The following PLCL2 variants were observed in gnomAD, a reference collection of about 807,000 sequenced individuals.
The protein encoded by PLCL2 is phospholipase C like 2.
A neutral mutation model predicts 79.6 loss-of-function variants in PLCL2; 4 were observed. That is an observed-to-expected ratio of 0.05 (90% CI 0.02 to 0.11). The LOEUF (loss-of-function observed/expected upper bound fraction) is 0.11. PLCL2 is among the 10% of genes least tolerant of loss of function. The probability of loss-of-function intolerance (pLI) is 1.00; values close to 1 mark genes in which losing one functional copy is unlikely to be tolerated. For synonymous variants in PLCL2, 484 were observed against 457.7 expected (o/e 1.06, Z -0.73); for missense variants, 895 against 1,291.0 (o/e 0.69, Z 4.70).
At chr3:17,088,819 A>C (rs1222939136) in intron 5 of PLCL2, among the ~76,000 whole-genome samples, 3 of 152,202 alleles carry the variant, frequency 2.0e-5, no homozygotes, top group African/African-American at 7.2e-5. Flanking sequence ...TCATTGGCCC[A>C]TTGTCAGCAC....
intron 3 of PLCL2, among the ~76,000 whole-genome samples, chr3:17,039,458 A>C (rs1282831652): frequency 6.6e-6 from 1 of 152,256 alleles, no homozygotes; most frequent in South Asian, 2.1e-4. Flanking sequence ...TTTATGCAAT[A>C]GTGCAAAAGT....
chr3:16,952,484 G>C (rs2063664196), intron 1 of PLCL2, among the ~76,000 whole-genome samples: 1 of 148,446 alleles, frequency 6.7e-6, no homozygotes, highest in South Asian at 2.1e-4. Flanking sequence ...ATTTGTAATA[G>C]TGAAAAATCA....
intron 1 of PLCL2, among the ~76,000 whole-genome samples, chr3:16,966,388 A>C (rs2063806872): frequency 6.6e-6 from 1 of 152,110 alleles, no homozygotes; most frequent in Non-Finnish European, 1.5e-5. Context: ...ATGGTGGATA[A>C]GCTTTTTAAT....
intron 1 of PLCL2, among the ~76,000 whole-genome samples, chr3:16,917,183 C>T (rs1697017340): frequency 6.6e-6 from 1 of 152,152 alleles, no homozygotes; most frequent in African/African-American, 2.4e-5. Context: ...TATTCCTCTT[C>T]CTTTCAATTA....
At chr3:17,070,816 C>T (rs1194279810) in intron 5 of PLCL2, among the ~76,000 whole-genome samples, 1 of 152,042 alleles carries the variant, frequency 6.6e-6, no homozygotes, top group Non-Finnish European at 1.5e-5. Context: ...AAACACACAG[C>T]AGGAGGCTCC....
At chr3:16,995,843 A>G (rs998242266) in intron 1 of PLCL2, among the ~76,000 whole-genome samples, 1 of 151,968 alleles carries the variant, frequency 6.6e-6, no homozygotes, top group Non-Finnish European at 1.5e-5. Flanking sequence ...AAAAGTGTAT[A>G]CTCTGGTTGG....
intron 4 of PLCL2, among the ~76,000 whole-genome samples, chr3:17,065,617 T>A (rs769046193): frequency 1.3e-5 from 2 of 152,230 alleles, no homozygotes; most frequent in Non-Finnish European, 2.9e-5. Flanking sequence ...GAGGCTTCCA[T>A]GCGGATACCT....
chr3:17,002,249 T>G (rs1013789605), intron 1 of PLCL2, among the ~76,000 whole-genome samples: 2 of 152,170 alleles, frequency 1.3e-5, no homozygotes, highest in African/African-American at 4.8e-5. Context: ...TTATCAGTTC[T>G]AAGAGTTTGT....
In PLCL2 at chr3:17,010,574, A is replaced by C; in HGVS notation, c.1228A>C (p.Met410Leu). The C allele has an allele frequency of 1.9e-6, 3 of 1,614,148 alleles. No homozygotes were observed. Among genetic ancestry groups the C allele is most frequent in the Non-Finnish European group, 2.5e-6 (3 of 1,180,018 alleles). Reference sequence around the variant, plus strand: ...CATAGACGGGTTCACTAATTACCTTATGTCACCTGACTGTTATATATTCGA... The same window carrying C: ...CATAGACGGGTTCACTAATTACCTTCTGTCACCTGACTGTTATATATTCGA... ...LSIDGFTNYL[M>L]SPDCYIFDPE... The change falls in exon 2 of 6, where the codon ATG (methionine) becomes CTG (leucine). Residue 410 changes from methionine to leucine, a missense_variant. Transcript: ENST00000615277. The surrounding 1 kb of genome is among the most constrained non-coding windows in gnomAD (Gnocchi z 5.8).
chr3:17,069,771 G>A (rs748891617), intron 5 of PLCL2, among the ~76,000 whole-genome samples: 10 of 152,100 alleles, frequency 6.6e-5, no homozygotes, highest in African/African-American at 9.7e-5. Flanking sequence ...CACGTTAAAC[G>A]TCTACTTATT....
intron 1 of PLCL2, among the ~76,000 whole-genome samples, chr3:16,971,230 A>G (rs529536603): frequency 3.3e-5 from 5 of 150,570 alleles, no homozygotes; most frequent in African/African-American, 1.2e-4. Flanking sequence ...ATCTTGAATT[A>G]ATTTTTGTAT....
intron 4 of PLCL2, among the ~76,000 whole-genome samples, chr3:17,047,274 G>T (rs1241477229): frequency 6.6e-6 from 1 of 152,256 alleles, no homozygotes; most frequent in Non-Finnish European, 1.5e-5. Flanking sequence ...CTGGGAGAGT[G>T]TTAGGTTGCA....
chr3:17,081,618 C>A lies in PLCL2; in HGVS notation c.3205-8115C>A, dbSNP rs114273708. 1,124 of 173,448 alleles carry A rather than the reference C, an allele frequency of 6.5e-3. 16 individuals are homozygous for A. The highest frequency in any genetic ancestry group is 0.026 in the African/African-American group (1,074 of 41,810). 10.7% of individuals were successfully genotyped at this position (173,448 alleles called of 1,614,324 possible). On this transcript the variant is annotated intron_variant, in intron 5 of 5. Coordinates refer to ENST00000615277, the MANE Select transcript of PLCL2 (RefSeq NM_001144382.2). ...TTTAATATATTAAAAACTAGAACAT[C>A]TTTTGTGGTCATACAGAAAGTATGG...
chr3:17,026,732 T>C (rs2064521235), intron 3 of PLCL2, among the ~76,000 whole-genome samples: 1 of 152,104 alleles, frequency 6.6e-6, no homozygotes, highest in Non-Finnish European at 1.5e-5. Context: ...CCAGGCATGA[T>C]GGTGCATGCC....
At chr3:17,070,542 T>C (rs974231060) in intron 5 of PLCL2, among the ~76,000 whole-genome samples, 4 of 152,202 alleles carry the variant, frequency 2.6e-5, no homozygotes, top group Admixed American at 1.3e-4. Context: ...GATGGTAGAA[T>C]GTAAGTGAGG....
intron 4 of PLCL2, among the ~76,000 whole-genome samples, chr3:17,048,506 G>T (rs1026016195): frequency 6.6e-6 from 1 of 152,044 alleles, no homozygotes; most frequent in Non-Finnish European, 1.5e-5. Flanking sequence ...TGTTATAAAA[G>T]GTTAAAATTT....
At chr3:17,015,245 A>T (rs2064371484) in intron 3 of PLCL2, among the ~76,000 whole-genome samples, 2 of 152,302 alleles carry the variant, frequency 1.3e-5, no homozygotes. Flanking sequence ...CCAGTCATTG[A>T]TTATTTGTTT....
chr3:17,012,547 A>C (rs1194439499), intron 2 of PLCL2, among the ~76,000 whole-genome samples: 3 of 152,222 alleles, frequency 2.0e-5, no homozygotes, highest in Non-Finnish European at 4.4e-5. Flanking sequence ...GTCAAAGTAA[A>C]ATGGATGTGA....
In PLCL2 at chr3:16,886,643, G is replaced by GTA. The variant is rs1195612984; in HGVS notation, c.327+1279_327+1280dup. ...AATTTGAAGGGTTTGGAGATGAAGT[G>GTA]TATTAACTACCTGCAGCACACACGT... On this transcript the variant is annotated intron_variant, in intron 1 of 5. Transcript: ENST00000615277. This position sits in a 1 kb window ranked among gnomAD's most constrained non-coding sequence, Gnocchi z 4.2. 2.0e-5 allele frequency among the ~76,000 whole-genome samples: 3 copies of GTA among 152,198 alleles called. No individual in the cohort carries two copies. Among genetic ancestry groups the GTA allele is most frequent in the Non-Finnish European group, 4.4e-5 (3 of 68,034 alleles).
Sources: gnomAD v4.1 joint callset for allele counts (sites outside exome capture counted in the v4.1 genomes callset) on GRCh38, gnomAD v4.1.1 for gene constraint, Gnocchi (gnomAD v3.1) non-coding constraint, MANE v1.5 for transcripts, NCBI Gene and HGNC (gene_info 2026-07-23, HGNC 2026-07-21) for gene names.